ALX4: variants seen among roughly 807,000 people sequenced by gnomAD.
The protein encoded by ALX4 is homeobox protein aristaless-like 4.
Under a neutral mutation model 40.6 loss-of-function variants are expected in ALX4, and 22 were observed. The observed-to-expected ratio is 0.54, with a 90% CI of 0.39 to 0.77. The LOEUF (loss-of-function observed/expected upper bound fraction) is 0.77, where lower values mean the gene tolerates loss of function less well. Ranked by LOEUF, ALX4 falls within the 30% of genes least tolerant of loss-of-function variation. ALX4 has a pLI of 0.00. For synonymous variants in ALX4, 266 were observed against 240.5 expected, an observed-to-expected ratio of 1.11 and a Z score of -0.98; for missense variants, 556 against 564.8, an observed-to-expected ratio of 0.98 and a Z score of 0.16.
intron 1 of ALX4, among the ~76,000 whole-genome samples, chr11:44,291,063 A>C (rs1956366205): frequency 6.6e-6 from 1 of 152,166 alleles, no homozygotes; most frequent in African/African-American, 2.4e-5. Context: ...CCCGAGCGGC[A>C]GCTCCCAGAA....
chr11:44,283,097 A>C (rs1232991649), intron 1 of ALX4, among the ~76,000 whole-genome samples: 1 of 152,034 alleles, frequency 6.6e-6, no homozygotes, highest in East Asian at 1.9e-4. Context: ...AAATACAAAA[A>C]TTCGTCGGGC....
At chr11:44,302,252 C>T (rs1251216582) in intron 1 of ALX4, among the ~76,000 whole-genome samples, 2 of 151,808 alleles carry the variant, frequency 1.3e-5, no homozygotes, top group Non-Finnish European at 2.9e-5. Flanking sequence ...GACAGACATG[C>T]CTTTCACCGG....
chr11:44,303,916 G>T (rs1279703397), intron 1 of ALX4, among the ~76,000 whole-genome samples: 1 of 152,216 alleles, frequency 6.6e-6, no homozygotes, highest in Non-Finnish European at 1.5e-5. Context: ...GGAGATGGGG[G>T]TGTCCCCGGT....
intron 2 of ALX4, among the ~76,000 whole-genome samples, chr11:44,274,084 G>C (rs749167645): frequency 1.3e-5 from 2 of 152,220 alleles, no homozygotes; most frequent in African/African-American, 2.4e-5. Context: ...AGGCTGCAGT[G>C]AGCTATAATC....
intron 2 of ALX4, among the ~76,000 whole-genome samples, chr11:44,269,152 G>A (rs1441173736): frequency 6.6e-6 from 1 of 152,258 alleles, no homozygotes; most frequent in Non-Finnish European, 1.5e-5. Context: ...GTGTGGACGT[G>A]CTTCCTCACA....
intron 1 of ALX4, among the ~76,000 whole-genome samples, chr11:44,309,263 C>A (rs1340474226): frequency 1.3e-5 from 2 of 152,022 alleles, no homozygotes; most frequent in African/African-American, 4.8e-5. Context: ...TCCTTGCCGC[C>A]GCACGCCCTG....
At chr11:44,280,001 C>T (rs757807056) in intron 1 of ALX4, among the ~76,000 whole-genome samples, 10 of 152,156 alleles carry the variant, frequency 6.6e-5, no homozygotes, top group Non-Finnish European at 1.2e-4. Context: ...TTTGGTGAGC[C>T]GATGTTCTAT....
At chr11:44,271,891 A>G (rs1238922740) in intron 2 of ALX4, among the ~76,000 whole-genome samples, 1 of 152,230 alleles carries the variant, frequency 6.6e-6, no homozygotes, top group Non-Finnish European at 1.5e-5. Context: ...TGCAACCCAC[A>G]TATGCAAACA....
At chr11:44,288,612 C>G (rs1419176123) in intron 1 of ALX4, among the ~76,000 whole-genome samples, 3 of 152,084 alleles carry the variant, frequency 2.0e-5, no homozygotes, top group African/African-American at 7.2e-5. Flanking sequence ...AATCACAAGA[C>G]AAATGCCAAC....
chr11:44,280,736 G>A (rs1480060476), intron 1 of ALX4, among the ~76,000 whole-genome samples: 9 of 152,228 alleles, frequency 5.9e-5, no homozygotes, highest in African/African-American at 2.2e-4. Flanking sequence ...TGCACGCAGT[G>A]TGGCCATCAT....
intron 1 of ALX4, among the ~76,000 whole-genome samples, chr11:44,307,850 A>ATGTGTGGAGCTGTGTGTGTCCG (rs1565012474): frequency 4.8e-5 from 7 of 145,130 alleles, no homozygotes; most frequent in Admixed American, 1.4e-4. Context: ...GTGTGTGTCC[A>ATGTGTGGAGCTGTGTGTGTCCG]TGTGTGGAGC....
chr11:44,289,812 G>A (rs1333673092), intron 1 of ALX4, among the ~76,000 whole-genome samples: 1 of 152,154 alleles, frequency 6.6e-6, no homozygotes, highest in Non-Finnish European at 1.5e-5. Context: ...TCTCCTCAAG[G>A]AGGCTAGAAG....
Position 44,265,104 on chromosome 11 carries a change from G to A in ALX4, c.986C>T (p.Pro329Leu). The change falls in exon 4 of 4, where the codon CCT becomes CTT. Residue 329 changes from proline (P) to leucine (L), a missense_variant. By Grantham distance (98) the Pro-to-Leu change is moderately conservative. Transcript: ENST00000652299. Reference protein sequence around the residue: ...PACVVPCDPVPACMSPHAHPP... With the variant: ...PACVVPCDPVLACMSPHAHPP... ...GTGGGCATGAGGGGACATGCAGGCA[G>A]GCACCGGGTCGCAGGGGACCACGCA... The A allele has an allele frequency of 6.2e-7, 1 of 1,612,524 alleles. No individual in the cohort carries two copies. Among genetic ancestry groups the A allele is most frequent in the Non-Finnish European group, 8.5e-7 (1 of 1,179,688 alleles).
At chr11:44,283,064 C>T (rs553451287) in intron 1 of ALX4, among the ~76,000 whole-genome samples, 5 of 152,078 alleles carry the variant, frequency 3.3e-5, no homozygotes, top group East Asian at 3.9e-4. Flanking sequence ...CTGGCCAACA[C>T]GGTGAAACCC....
intron 1 of ALX4, among the ~76,000 whole-genome samples, chr11:44,283,581 T>C (rs1296144830): frequency 6.6e-6 from 1 of 152,226 alleles, no homozygotes; most frequent in Non-Finnish European, 1.5e-5. Flanking sequence ...GTTTCTTTTT[T>C]TGAGACAGAG....
At chr11:44,297,277 AG>A (rs1956408235) in intron 1 of ALX4, among the ~76,000 whole-genome samples, 1 of 152,238 alleles carries the variant, frequency 6.6e-6, no homozygotes, top group African/African-American at 2.4e-5. Context: ...CACAATAAAA[AG>A]TTCATTCTTA....
chr11:44,296,205 G>A (rs1410618053), intron 1 of ALX4, among the ~76,000 whole-genome samples: 1 of 152,212 alleles, frequency 6.6e-6, no homozygotes, highest in Non-Finnish European at 1.5e-5. Flanking sequence ...ACCGGTCGAT[G>A]AGAAAAGGGC....
chr11:44,267,506 C>G lies in ALX4; in HGVS notation c.894G>C (p.Glu298Asp), dbSNP rs1564998640. 1 of 1,614,118 alleles carries G rather than the reference C, an allele frequency of 6.2e-7. No homozygotes were observed. ...GGGCGGGACTTACCTGGGCGTAGTTCTCAGCTCGGGTGAGGAGGGGCAGCT... is the reference window on the plus strand; with the variant it reads ...GGGCGGGACTTACCTGGGCGTAGTTGTCAGCTCGGGTGAGGAGGGGCAGCT... ...AYELPLLTRA[E>D]NYAQIQNPSW... Residue 298 changes from glutamate (E) to aspartate (D), a missense_variant, in exon 3 of 4, where the codon GAG becomes GAC. Physicochemically the swap from Glu to Asp is conservative, Grantham distance 45. Transcript: ENST00000652299.
intron 1 of ALX4, among the ~76,000 whole-genome samples, chr11:44,284,906 CACACAT>C (rs1192475905): frequency 6.6e-6 from 1 of 151,912 alleles, no homozygotes; most frequent in African/African-American, 2.4e-5. Context: ...AAATCACTCA[CACACAT>C]ACACATACAC....
Sources: gnomAD v4.1 joint callset for allele counts (sites outside exome capture counted in the v4.1 genomes callset) on GRCh38, gnomAD v4.1.1 for gene constraint, MANE v1.5 for transcripts, NCBI Gene and HGNC (gene_info 2026-07-23, HGNC 2026-07-21) for gene names.